Variants in CCSER1 observed in about 807,000 individuals in gnomAD.
CCSER1 encodes coiled-coil serine rich protein 1.
Under a neutral mutation model 82.0 loss-of-function variants are expected in CCSER1, and 41 were observed. The ratio of observed to expected loss-of-function variants is 0.50; its 90% CI spans 0.39 to 0.65. CCSER1 has a LOEUF of 0.65. CCSER1 is among the 30% of genes least tolerant of loss of function. CCSER1 has a pLI of 0.00. For missense variants in CCSER1, 1,119 were observed against 1,064.2 expected, an observed-to-expected ratio of 1.05 and a Z score of -0.72; for synonymous variants, 414 against 383.9, an observed-to-expected ratio of 1.08 and a Z score of -0.92.
Position 91,264,684 on chromosome 4 carries a change from C to A in CCSER1, c.2217+178690C>A, listed in dbSNP as rs372138107. 2.6e-4 allele frequency among the ~76,000 whole-genome samples: 39 copies of A among 152,062 alleles called. No homozygotes were observed. In the East Asian group the frequency reaches 7.0e-3, roughly 27 times the overall value. The stretch of plus-strand genomic sequence containing the variant: ...CTAAAAACAGTTTTTAAGTTTAAGG[C>A]ATTCCATCCAAGTACTAACCAAGTC... On this transcript the variant is annotated intron_variant, in intron 10 of 10. Transcript: ENST00000509176.
At chr4:90,537,079 A>G (rs1262187940) in intron 5 of CCSER1, among the ~76,000 whole-genome samples, 1 of 152,182 alleles carries the variant, frequency 6.6e-6, no homozygotes, top group Non-Finnish European at 1.5e-5. Flanking sequence ...AATTGTTTTA[A>G]TAGGATATGT....
At chr4:90,416,807 T>A (rs1443749806) in intron 4 of CCSER1, among the ~76,000 whole-genome samples, 2 of 152,180 alleles carry the variant, frequency 1.3e-5, no homozygotes, top group Non-Finnish European at 2.9e-5. Flanking sequence ...AAAAATCAAA[T>A]AGGACACTTT....
chr4:90,901,245 A>AT, intron 8 of CCSER1, among the ~76,000 whole-genome samples: 1 of 150,234 alleles, frequency 6.7e-6, no homozygotes, highest in South Asian at 2.1e-4. Context: ...TTTTAATCCG[A>AT]TTTTCCATTT....
intron 4 of CCSER1, among the ~76,000 whole-genome samples, chr4:90,444,060 G>A (rs1560526453): frequency 6.6e-6 from 1 of 151,948 alleles, no homozygotes; most frequent in Non-Finnish European, 1.5e-5. Context: ...CTGGCCTTGA[G>A]GGGGAATGGG....
chr4:90,356,892 A>C (rs1192545405), intron 3 of CCSER1, among the ~76,000 whole-genome samples: 1 of 151,898 alleles, frequency 6.6e-6, no homozygotes, highest in African/African-American at 2.4e-5. Flanking sequence ...AGATTCTGAA[A>C]ACTCAGGGGA....
chr4:91,598,954 C>G lies in CCSER1; in HGVS notation c.2600C>G (p.Pro867Arg). 1.3e-6 allele frequency: 2 copies of G among 1,551,554 alleles called. No individual in the cohort carries two copies. The highest frequency in any genetic ancestry group is 8.7e-7 in the Non-Finnish European group (1 of 1,146,912). ...TTTACAGGCAGGTTTGGACAGCCAC[C>G]CAGAGGGCCAATCTCTTTACACATG... ...STFTGRFGQPPRGPISLHMYS... is the reference protein window; with the variant it reads ...STFTGRFGQPRRGPISLHMYS... Residue 867 changes from proline (P) to arginine (R), a missense_variant, in exon 11 of 11, where the codon CCC becomes CGC. By Grantham distance (103) the Pro-to-Arg change is moderately radical. Transcript: ENST00000509176.
chr4:91,051,852 G>C (rs775091026), intron 9 of CCSER1, among the ~76,000 whole-genome samples: 3 of 152,000 alleles, frequency 2.0e-5, no homozygotes, highest in Non-Finnish European at 4.4e-5. Context: ...TCAAAGGCTA[G>C]TTTTTACAAA....
chr4:91,518,923 A>G (rs1760295835), intron 10 of CCSER1, among the ~76,000 whole-genome samples: 1 of 152,188 alleles, frequency 6.6e-6, no homozygotes, highest in Non-Finnish European at 1.5e-5. Context: ...GGGAAGATGG[A>G]CTGGACTCTG....
intron 5 of CCSER1, among the ~76,000 whole-genome samples, chr4:90,527,041 C>G (rs1773863156): frequency 6.6e-6 from 1 of 152,088 alleles, no homozygotes; most frequent in South Asian, 2.1e-4. Context: ...CTATTGTTTC[C>G]TGACTTTTTA....
chr4:90,419,772 T>C (rs932149944), intron 4 of CCSER1, among the ~76,000 whole-genome samples: 1 of 151,936 alleles, frequency 6.6e-6, no homozygotes, highest in Non-Finnish European at 1.5e-5. Context: ...GATGGAGAGC[T>C]GTATAATTCA....
chr4:90,166,741 T>G (rs1468622946), intron 1 of CCSER1, among the ~76,000 whole-genome samples: 1 of 151,998 alleles, frequency 6.6e-6, no homozygotes, highest in African/African-American at 2.4e-5. Flanking sequence ...TCAGATATTT[T>G]TATTGCAAAT....
chr4:90,969,276 A>G (rs1404656232), intron 9 of CCSER1, among the ~76,000 whole-genome samples: 2 of 152,058 alleles, frequency 1.3e-5, no homozygotes. Context: ...CTTGAGAGGG[A>G]TATGAACATC....
intron 10 of CCSER1, among the ~76,000 whole-genome samples, chr4:91,230,744 T>C (rs926603573): frequency 4.6e-5 from 7 of 151,860 alleles, no homozygotes; most frequent in Non-Finnish European, 8.8e-5. Flanking sequence ...ATTTCGAATA[T>C]TAAATGAATA....
chr4:91,020,181 C>T (rs542694727), intron 9 of CCSER1, among the ~76,000 whole-genome samples: 1 of 152,158 alleles, frequency 6.6e-6, no homozygotes, highest in African/African-American at 2.4e-5. Context: ...TTTTTCTGTA[C>T]TTAGAGTTCA....
intron 10 of CCSER1, among the ~76,000 whole-genome samples, chr4:91,462,926 T>C (rs1036314214): frequency 6.6e-6 from 1 of 152,096 alleles, no homozygotes; most frequent in Admixed American, 6.5e-5. Context: ...ACTCCACCTC[T>C]GGGGGCAGGG....
intron 1 of CCSER1, among the ~76,000 whole-genome samples, chr4:90,205,886 G>A (rs1172799311): frequency 6.6e-6 from 1 of 152,048 alleles, no homozygotes; most frequent in Non-Finnish European, 1.5e-5. Flanking sequence ...CTTTTTATTG[G>A]TCTATTCAGG....
intron 9 of CCSER1, among the ~76,000 whole-genome samples, chr4:91,025,057 T>C (rs1484523846): frequency 2.0e-5 from 3 of 152,186 alleles, no homozygotes; most frequent in African/African-American, 7.2e-5. Flanking sequence ...AATAATTTTG[T>C]TTAAGGTGAA....
intron 3 of CCSER1, among the ~76,000 whole-genome samples, chr4:90,388,643 T>G (rs193212872): frequency 7.0e-5 from 10 of 143,846 alleles, no homozygotes; most frequent in Admixed American, 5.6e-4. Context: ...TTATGATAAT[T>G]TTTTTTTTTG....
intron 9 of CCSER1, among the ~76,000 whole-genome samples, chr4:90,998,697 C>A (rs564242635): frequency 1.3e-5 from 2 of 149,914 alleles, no homozygotes; most frequent in African/African-American, 2.5e-5. Flanking sequence ...AAATTTGCAT[C>A]CATAAATCTA....
Sources: allele counts gnomAD v4.1 joint callset (sites outside exome capture counted in the v4.1 genomes callset), GRCh38; gene constraint gnomAD v4.1.1; transcripts MANE v1.5; gene names NCBI Gene and HGNC (gene_info 2026-07-23, HGNC 2026-07-21).